Variants in ANKRD17 observed in about 807,000 individuals in gnomAD.
The protein encoded by ANKRD17 is ankyrin repeat domain-containing protein 17.
A neutral mutation model predicts 229.7 loss-of-function variants in ANKRD17; 19 were observed. The ratio of observed to expected loss-of-function variants is 0.08; its 90% confidence interval spans 0.06 to 0.12. The LOEUF (loss-of-function observed/expected upper bound fraction) is 0.12. Ranked by LOEUF, ANKRD17 falls within the 10% of genes least tolerant of loss-of-function variation. The probability of loss-of-function intolerance (pLI) is 1.00; values close to 1 mark genes in which losing one functional copy is unlikely to be tolerated. For missense variants in ANKRD17, 2,176 were observed against 3,176.8 expected, an observed-to-expected ratio of 0.68 and a Z score of 7.57; for synonymous variants, 1,112 against 1,146.1, an observed-to-expected ratio of 0.97 and a Z score of 0.60.
intron 1 of ANKRD17, among the ~76,000 whole-genome samples, chr4:73,257,522 A>C (rs1745560595): frequency 6.6e-6 from 1 of 152,244 alleles, no homozygotes; most frequent in African/African-American, 2.4e-5. Context: ...CTCACTAAGG[A>C]AACATTCGAA....
chr4:73,195,237 A>T (rs972182184), intron 1 of ANKRD17, among the ~76,000 whole-genome samples: 2 of 152,168 alleles, frequency 1.3e-5, no homozygotes, highest in Non-Finnish European at 2.9e-5. Context: ...GTGATGAGCT[A>T]TCTTGTTTAC....
intron 29 of ANKRD17, among the ~76,000 whole-genome samples, chr4:73,087,920 AAG>A (rs1035398017): frequency 2.0e-5 from 3 of 151,798 alleles, no homozygotes; most frequent in Admixed American, 6.6e-5. Flanking sequence ...AAGACAAGAC[AAG>A]AGAGGGGGAA....
intron 11 of ANKRD17, among the ~76,000 whole-genome samples, chr4:73,144,277 T>C (rs1001184808): frequency 6.6e-6 from 1 of 152,224 alleles, no homozygotes; most frequent in African/African-American, 2.4e-5. Context: ...CAATTTGCTA[T>C]ATTTGTCACA....
At chr4:73,151,676 C>T (rs1287463445) in intron 6 of ANKRD17, 152 bp from the exon 7 acceptor site, 4 of 538,746 alleles carry the variant, frequency 7.4e-6, no homozygotes, top group Non-Finnish European at 1.2e-5. Flanking sequence ...AATTGTAGAA[C>T]ACAAATTATA....
chr4:73,249,885 TAAAA>T (rs1744832419), intron 1 of ANKRD17, among the ~76,000 whole-genome samples: 1 of 151,940 alleles, frequency 6.6e-6, no homozygotes, highest in East Asian at 1.9e-4. Context: ...AAAAATAAAT[TAAAA>T]AGAAAGAATA....
Position 73,074,332 on chromosome 4 carries a change from T to C in ANKRD17, c.*1899A>G, listed in dbSNP as rs1373860379. On this transcript the variant is annotated 3_prime_UTR_variant, in exon 34 of 34. Transcript: ENST00000358602. ...TAACCCTAGTTAACACAGGAAAGAA[T>C]TAAGAAAAAAAATTTTATGTATAGA... The C allele has an allele frequency of 1.3e-5, 2 of 151,838 alleles. No individual in the cohort carries two copies. Among genetic ancestry groups the C allele is most frequent in the East Asian group, 3.9e-4 (2 of 5,192 alleles). 9.4% of individuals were successfully genotyped at this position (151,838 alleles called of 1,614,324 possible). A position where few individuals can be genotyped will look rare whatever the true frequency, so the allele number is the denominator to read the frequency against.
chr4:73,223,758 C>CT (rs1742158538), intron 1 of ANKRD17, among the ~76,000 whole-genome samples: 1 of 152,032 alleles, frequency 6.6e-6, no homozygotes, highest in Non-Finnish European at 1.5e-5. Flanking sequence ...AATAAATACT[C>CT]TAAGAGACTA....
chr4:73,073,905 T>C lies in ANKRD17; in HGVS notation c.*2326A>G, dbSNP rs552957450. On this transcript the variant is annotated 3_prime_UTR_variant, in exon 34 of 34. Coordinates refer to ENST00000358602, the MANE Select transcript of ANKRD17 (RefSeq NM_032217.5). The stretch of plus-strand genomic sequence containing the variant: ...AGAGTTAAATCATTTCTTAAAACAA[T>C]GATGTAGTCTGCATATACACATACC... The C allele has an allele frequency of 2.0e-5, 3 of 152,020 alleles. No homozygotes were observed. Among genetic ancestry groups the C allele is most frequent in the Non-Finnish European group, 2.9e-5 (2 of 67,888 alleles). The allele number at this position is 152,020 out of a possible 1,614,324, so 9.4% of individuals were successfully genotyped here.
chr4:73,098,684 ACT>A (rs1303589285), intron 25 of ANKRD17, 164 bp from the exon 26 acceptor site: 89 of 843,952 alleles, frequency 1.1e-4, no homozygotes, highest in Non-Finnish European at 1.7e-4. Context: ...GGACTGATAT[ACT>A]CTGTGTACCC....
intron 8 of ANKRD17, among the ~76,000 whole-genome samples, chr4:73,147,983 C>T (rs1384787217): frequency 6.6e-6 from 1 of 151,950 alleles, no homozygotes; most frequent in African/African-American, 2.4e-5. Context: ...ACATGACAAG[C>T]ACTGTTCTAT....
intron 7 of ANKRD17, among the ~76,000 whole-genome samples, chr4:73,149,318 A>AC (rs1032835388): frequency 2.0e-5 from 3 of 152,190 alleles, no homozygotes; most frequent in African/African-American, 7.2e-5. Flanking sequence ...AGAAAAAAAA[A>AC]CAGTAAGTAT....
chr4:73,227,853 C>T (rs1742663068), intron 1 of ANKRD17, among the ~76,000 whole-genome samples: 1 of 152,094 alleles, frequency 6.6e-6, no homozygotes, highest in African/African-American at 2.4e-5. Context: ...CTCTGTTTTG[C>T]ATGACTTAAC....
intron 24 of ANKRD17, among the ~76,000 whole-genome samples, chr4:73,108,736 A>T (rs1014524517): frequency 1.3e-5 from 2 of 152,182 alleles, no homozygotes; most frequent in African/African-American, 2.4e-5. Context: ...ATAATGGAAG[A>T]AAAAATGGAG....
chr4:73,109,558 C>T (rs1195411478), intron 24 of ANKRD17, among the ~76,000 whole-genome samples: 1 of 151,992 alleles, frequency 6.6e-6, no homozygotes, highest in Non-Finnish European at 1.5e-5. Context: ...AGAGGTGGTG[C>T]TGGAGTTCCT....
At chr4:73,136,527 A>T (rs1441151498) in intron 15 of ANKRD17, among the ~76,000 whole-genome samples, 1 of 152,124 alleles carries the variant, frequency 6.6e-6, no homozygotes, top group African/African-American at 2.4e-5. Context: ...CTTAAAAGCC[A>T]AAGGAAAAAC....
At chr4:73,123,614 T>C (rs1451206938) in intron 18 of ANKRD17, among the ~76,000 whole-genome samples, 3 of 152,166 alleles carry the variant, frequency 2.0e-5, no homozygotes, top group African/African-American at 7.2e-5. Flanking sequence ...TTCAGTTCTT[T>C]TTAATTTACA....
intron 24 of ANKRD17, among the ~76,000 whole-genome samples, chr4:73,109,665 G>A (rs1051154249): frequency 2.6e-5 from 4 of 152,110 alleles, no homozygotes; most frequent in African/African-American, 9.7e-5. Context: ...CAGCATTAAA[G>A]GGCTAGGGAA....
At chr4:73,202,216 A>G (rs1288631937) in intron 1 of ANKRD17, among the ~76,000 whole-genome samples, 1 of 151,884 alleles carries the variant, frequency 6.6e-6, no homozygotes, top group Non-Finnish European at 1.5e-5. Flanking sequence ...CAGGCATAAA[A>G]GAGTATGACC....
rs536645411 is a variant in ANKRD17, at chr4:73,123,922, C to T, written c.3492+991G>A. On this transcript the variant is annotated intron_variant, in intron 18 of 33. Coordinates refer to ENST00000358602, the MANE Select transcript of ANKRD17 (RefSeq NM_032217.5). ...AAGGATACTGACATAAAGGGTGAAA[C>T]AGTCACGATGATGAAGGGATTGGAA... is the stretch of plus-strand genomic sequence containing the variant. Among the ~76,000 whole-genome samples, 92 of 151,392 alleles carry T rather than the reference C, an allele frequency of 6.1e-4. 1 individual carries two copies. In the South Asian group the frequency reaches 0.016, roughly 26 times the overall value.
Sources: allele counts gnomAD v4.1 joint callset (sites outside exome capture counted in the v4.1 genomes callset), GRCh38; gene constraint gnomAD v4.1.1; transcripts MANE v1.5; gene names NCBI Gene and HGNC (gene_info 2026-07-23, HGNC 2026-07-21).